The following DNAJC17 variants were observed in gnomAD, a reference collection of about 807,000 sequenced individuals.
DNAJC17 encodes the protein dnaJ homolog subfamily C member 17.
DNAJC17 carries 35 observed loss-of-function variants against 48.1 expected under a neutral mutation model. The observed-to-expected ratio is 0.73, with a 90% CI of 0.56 to 0.96. The LOEUF is 0.96. Among genes scored for constraint, DNAJC17 ranks in the 50% least tolerant of loss-of-function variants. The pLI is 0.00. For missense variants in DNAJC17, 355 were observed against 377.1 expected, an observed-to-expected ratio of 0.94 and a Z score of 0.48; for synonymous variants, 117 against 142.7, an observed-to-expected ratio of 0.82 and a Z score of 1.28.
In DNAJC17 at chr15:40,767,661, G is replaced by A. The variant is rs1888982082; in HGVS notation, c.*279C>T. 6.8e-6 allele frequency: 4 copies of A among 587,692 alleles called. No homozygotes were observed. Among genetic ancestry groups the A allele is most frequent in the South Asian group, 4.8e-5 (2 of 42,082 alleles). The allele number at this position is 587,692 out of a possible 1,614,324, so 36.4% of individuals were successfully genotyped here. ...CTGGGCACTCCAGCGGCCCTGGCGC[G>A]TGGCTCCTGCATAGCTAGCCCAAGC... On this transcript the variant is annotated 3_prime_UTR_variant, in exon 11 of 11. Transcript: ENST00000220496.
In DNAJC17 at chr15:40,766,035, TGCATCCTGGGGCTCTGTTCTCC is replaced by T; in HGVS notation, c.*1883_*1904del. Reference sequence around the variant, plus strand: ...GGGCCCAGCATCAGAGCCCCCTGCCTGCATCCTGGGGCTCTGTTCTCCGGAGGAGTTGGTCCCATCTGTAGCC... The same window carrying T: ...GGGCCCAGCATCAGAGCCCCCTGCCTGGAGGAGTTGGTCCCATCTGTAGCC... On this transcript the variant is annotated 3_prime_UTR_variant, in exon 11 of 11. Transcript: ENST00000220496. 1 of 496,258 alleles carries T rather than the reference TGCATCCTGGGGCTCTGTTCTCC, an allele frequency of 2.0e-6. No homozygotes were observed. 30.7% of individuals were successfully genotyped at this position (496,258 alleles called of 1,614,324 possible). A position where few individuals can be genotyped will look rare whatever the true frequency, so the allele number is the denominator to read the frequency against.
At chr15:40,786,747 AG>A (rs1889653062) in intron 1 of DNAJC17, among the ~76,000 whole-genome samples, 1 of 152,240 alleles carries the variant, frequency 6.6e-6, no homozygotes, top group Admixed American at 6.5e-5. Context: ...TCAGAGGAGA[AG>A]CTCTTTCTAA....
In DNAJC17 at chr15:40,776,589, T is replaced by C; in HGVS notation, c.334A>G (p.Ser112Gly). 4 of 1,613,828 alleles carry C rather than the reference T, an allele frequency of 2.5e-6. No individual in the cohort carries two copies. Among genetic ancestry groups the C allele is most frequent in the Non-Finnish European group, 3.4e-6 (4 of 1,179,956 alleles). ...ARERQAQAQE[S>G]EEEEESRSTR... ...CTCCGGCTCTCCTCTTCCTCCTCAC[T>C]CTCCTGGGCCTGGGCCTGCCGCTCC... The change falls in exon 5 of 11, where the codon AGT becomes GGT. Residue 112 changes from serine to glycine, a missense_variant. Physicochemically the swap from Ser to Gly is moderately conservative, Grantham distance 56. This residue lies in a region of DNAJC17 where 199 missense variants were observed against 199.9 expected (regional missense o/e 1.00). Transcript: ENST00000220496.
At chr15:40,780,226 C>T (rs2141952244) in intron 1 of DNAJC17, 1 of 652,548 alleles carries the variant, frequency 1.5e-6, no homozygotes, top group East Asian at 3.0e-5. Context: ...AAGTGCTCAA[C>T]CTCACCACTG....
chr15:40,776,987 C>T (rs187492430), intron 4 of DNAJC17: 3 of 225,840 alleles, frequency 1.3e-5, no homozygotes, highest in African/African-American at 6.7e-5. Context: ...TGGTTTGGCA[C>T]CACAGCTTGA....
At chr15:40,779,423 G>A in intron 3 of DNAJC17, 113 bp from the exon 4 acceptor site, 1 of 1,543,330 alleles carries the variant, frequency 6.5e-7, no homozygotes. Context: ...CCTGGTGACT[G>A]GGTCTCCTGG....
chr15:40,782,444 C>G (rs1273487378), intron 1 of DNAJC17, among the ~76,000 whole-genome samples: 3 of 151,816 alleles, frequency 2.0e-5, no homozygotes, highest in Admixed American at 1.3e-4. Context: ...GAAAGAAACC[C>G]CAATATTTCT....
chr15:40,766,045 G>C lies in DNAJC17; in HGVS notation c.*1895C>G, dbSNP rs144310988. ...TCAGAGCCCCCTGCCTGCATCCTGG[G>C]GCTCTGTTCTCCGGAGGAGTTGGTC... On this transcript the variant is annotated 3_prime_UTR_variant, in exon 11 of 11. Transcript: ENST00000220496. The C allele has an allele frequency of 7.6e-4, 366 of 482,370 alleles. 2 individuals are homozygous for C. The highest frequency in any genetic ancestry group is 6.6e-3 in the African/African-American group (332 of 50,172). The allele number at this position is 482,370 out of a possible 1,614,324, so 29.9% of individuals were successfully genotyped here.
chr15:40,783,449 T>C (rs1889558135), intron 1 of DNAJC17, among the ~76,000 whole-genome samples: 1 of 152,222 alleles, frequency 6.6e-6, no homozygotes. Flanking sequence ...CCAGTATCTA[T>C]GGCATCACCT....
intron 1 of DNAJC17, among the ~76,000 whole-genome samples, chr15:40,790,671 C>T (rs1387064727): frequency 6.6e-6 from 1 of 152,206 alleles, no homozygotes; most frequent in African/African-American, 2.4e-5. Flanking sequence ...TTTGTTTCCA[C>T]ATCTAGGAAT....
At chr15:40,804,541 A>C (rs1355493414) in intron 1 of DNAJC17, among the ~76,000 whole-genome samples, 1 of 152,164 alleles carries the variant, frequency 6.6e-6, no homozygotes, top group African/African-American at 2.4e-5. Flanking sequence ...GGCTGCAGTG[A>C]GCTGTGATTG....
intron 1 of DNAJC17, chr15:40,792,687 T>C (rs1167368456): frequency 5.6e-6 from 1 of 179,174 alleles, no homozygotes; most frequent in East Asian, 1.9e-4. Context: ...GGCGTGGTGG[T>C]GCACTCCTGT....
chr15:40,800,739 C>T (rs1268519482), intron 1 of DNAJC17, among the ~76,000 whole-genome samples: 2 of 151,188 alleles, frequency 1.3e-5, no homozygotes, highest in Non-Finnish European at 2.9e-5. Context: ...GTAATCCCAG[C>T]ACTTTGGTCA....
At chr15:40,784,457 T>A (rs897650407) in intron 1 of DNAJC17, among the ~76,000 whole-genome samples, 1 of 152,224 alleles carries the variant, frequency 6.6e-6, no homozygotes, top group Non-Finnish European at 1.5e-5. Context: ...TTGTCAAATA[T>A]GCTTTACATA....
At chr15:40,772,693 C>T (rs1433837758) in intron 10 of DNAJC17, among the ~76,000 whole-genome samples, 1 of 152,224 alleles carries the variant, frequency 6.6e-6, no homozygotes, top group African/African-American at 2.4e-5. Context: ...GCTGTGGACA[C>T]ACCAGACAGG....
chr15:40,792,632 T>G (rs998174811), intron 1 of DNAJC17: 1 of 450,374 alleles, frequency 2.2e-6, no homozygotes, highest in African/African-American at 2.1e-5. Flanking sequence ...CTGGGCAACA[T>G]AGGGAGACCC....
intron 1 of DNAJC17, among the ~76,000 whole-genome samples, chr15:40,805,613 TG>T (rs1890189733): frequency 6.7e-6 from 1 of 149,192 alleles, no homozygotes; most frequent in Non-Finnish European, 1.5e-5. Flanking sequence ...GAGGCTGAGG[TG>T]GGCAGATCAC....
intron 1 of DNAJC17, among the ~76,000 whole-genome samples, chr15:40,785,013 G>A (rs1016955591): frequency 6.6e-6 from 1 of 152,020 alleles, no homozygotes; most frequent in Admixed American, 6.6e-5. Flanking sequence ...CAGGACAATC[G>A]CTTGAACCCA....
chr15:40,804,474 C>T (rs1890152265), intron 1 of DNAJC17, among the ~76,000 whole-genome samples: 1 of 151,844 alleles, frequency 6.6e-6, no homozygotes. Flanking sequence ...TGATGCACAC[C>T]TGCAGTCCCA....
Sources: gnomAD v4.1 joint callset for allele counts (sites outside exome capture counted in the v4.1 genomes callset) on GRCh38, gnomAD v4.1.1 for gene constraint, gnomAD v4.1.1 regional missense constraint, MANE v1.5 for transcripts, NCBI Gene and HGNC (gene_info 2026-07-23, HGNC 2026-07-21) for gene names.